GABPB1: variants seen among roughly 807,000 people sequenced by gnomAD.
The protein encoded by GABPB1 is GA-binding protein subunit beta-1.
Under a neutral mutation model 45.9 loss-of-function variants are expected in GABPB1, and 15 were observed. The observed-to-expected ratio is 0.33, with a 90% confidence interval of 0.22 to 0.50. GABPB1 has a LOEUF of 0.50. GABPB1 is among the 20% of genes least tolerant of loss of function. GABPB1 has a pLI of 0.98. For missense variants in GABPB1, 252 were observed against 457.5 expected, an observed-to-expected ratio of 0.55 and a Z score of 4.10; for synonymous variants, 143 against 154.4, an observed-to-expected ratio of 0.93 and a Z score of 0.55.
chr15:50,328,749 C>A (rs1235133566), intron 1 of GABPB1, among the ~76,000 whole-genome samples: 1 of 152,172 alleles, frequency 6.6e-6, no homozygotes, highest in Non-Finnish European at 1.5e-5. Context: ...AGTTTTAGCA[C>A]CCATTAATGA....
At chr15:50,319,287 T>C (rs972744408) in intron 1 of GABPB1, among the ~76,000 whole-genome samples, 1 of 152,190 alleles carries the variant, frequency 6.6e-6, no homozygotes, top group Non-Finnish European at 1.5e-5. Context: ...AAAAAAAGTT[T>C]TTATTTTTAT....
chr15:50,281,492 T>C (rs559498515), intron 8 of GABPB1, among the ~76,000 whole-genome samples: 10 of 152,216 alleles, frequency 6.6e-5, no homozygotes, highest in Non-Finnish European at 1.5e-4. Flanking sequence ...ATTACAGGCG[T>C]GAGCCACTGC....
In GABPB1 at chr15:50,278,624, C is replaced by T; in HGVS notation, c.*8G>A. 1 of 1,608,646 alleles carries T rather than the reference C, an allele frequency of 6.2e-7. No individual in the cohort carries two copies. Among genetic ancestry groups the T allele is most frequent in the Non-Finnish European group, 8.5e-7 (1 of 1,178,196 alleles). On this transcript the variant is annotated 3_prime_UTR_variant, in exon 9 of 9. Transcript: ENST00000380877. ...CAAAAGTAAAATCAAACTACATGTT[C>T]ATTTCAATTAAACAGCTTCTTTATT...
chr15:50,292,993 A>T (rs906425632), intron 6 of GABPB1, among the ~76,000 whole-genome samples: 8 of 63,018 alleles, frequency 1.3e-4, no homozygotes, highest in South Asian at 7.6e-4. Flanking sequence ...GTCTACATAT[A>T]AAAAAAAAAT....
chr15:50,343,762 C>A (rs563258601), intron 1 of GABPB1, among the ~76,000 whole-genome samples: 39 of 152,268 alleles, frequency 2.6e-4, no homozygotes, highest in Admixed American at 3.9e-4. Context: ...TGGTCTTGAT[C>A]TCCTGACCTC....
rs774886523 is a variant in GABPB1 at position 50,301,278 on chromosome 15, C to T, written c.562G>A (p.Gly188Arg). The change falls in exon 5 of 9, where the codon GGA becomes AGA. Residue 188 changes from glycine to arginine, a missense_variant. Around this residue, in one of 4 missense-constraint regions of GABPB1, gnomAD observed 193 missense variants for 259.9 expected, o/e 0.74. Transcript: ENST00000380877. ...AGACCTGTTAGGTTCACCACCCCTC[C>T]AGGTCCAATGATAAACTGTGGTGTT... The part of the protein sequence containing the change: ...AATPQFIIGP[G>R]GVVNLTDETG... The T allele has an allele frequency of 3.7e-6, 6 of 1,614,124 alleles. No individual in the cohort carries two copies. The South Asian group carries it at 6.6e-5, about 18-fold the overall frequency.
intron 1 of GABPB1, among the ~76,000 whole-genome samples, chr15:50,315,207 C>T (rs1226737895): frequency 3.9e-5 from 6 of 152,184 alleles, no homozygotes; most frequent in Non-Finnish European, 7.3e-5. Context: ...TCATAGTTCA[C>T]CACAGCCTCG....
chr15:50,317,642 G>A lies in GABPB1; in HGVS notation c.1-7844C>T, dbSNP rs139475035. Among the ~76,000 whole-genome samples the A allele has an allele frequency of 4.0e-3, 607 of 152,176 alleles. 3 individuals carry two copies. Among genetic ancestry groups the A allele is most frequent in the African/African-American group, 0.014 (580 of 41,518 alleles). On this transcript the variant is annotated intron_variant, in intron 1 of 8. Coordinates refer to ENST00000380877, the MANE Select transcript of GABPB1 (RefSeq NM_016654.5). ...TTAGATATTGAGGCTGGGCGCGGTG[G>A]CTCACGCCTGTAATCCCAGCACTTT...
chr15:50,288,886 C>T (rs924181547), intron 7 of GABPB1, among the ~76,000 whole-genome samples: 7 of 151,578 alleles, frequency 4.6e-5, no homozygotes, highest in Admixed American at 3.9e-4. Context: ...AATGCAGTGG[C>T]ATGATAATGG....
At chr15:50,347,206 T>G (rs2048622716) in intron 1 of GABPB1, among the ~76,000 whole-genome samples, 1 of 151,952 alleles carries the variant, frequency 6.6e-6, no homozygotes, top group South Asian at 2.1e-4. Flanking sequence ...GATTTCAACA[T>G]GAATTATGGG....
At chr15:50,303,600 T>C (rs2046835269) in intron 3 of GABPB1, among the ~76,000 whole-genome samples, 1 of 151,144 alleles carries the variant, frequency 6.6e-6, no homozygotes, top group Non-Finnish European at 1.5e-5. Context: ...GAGAATCACT[T>C]GAACCCAGGA....
At chr15:50,351,197 A>G (rs1382408507) in intron 1 of GABPB1, 1 of 152,266 alleles carries the variant, frequency 6.6e-6, no homozygotes, top group Admixed American at 6.5e-5. Flanking sequence ...CAAAAAGCCA[A>G]CACAATACCC....
chr15:50,301,780 AC>A (rs202144966), intron 4 of GABPB1, among the ~76,000 whole-genome samples: 2 of 152,024 alleles, frequency 1.3e-5, no homozygotes, highest in South Asian at 2.1e-4. Flanking sequence ...AAAAACAAAA[AC>A]AAAACAAACA....
At chr15:50,340,923 C>CATATGGTTTATTACCATATGTA (rs1567545945) in intron 1 of GABPB1, among the ~76,000 whole-genome samples, 1,646 of 16,008 alleles carry the variant, frequency 0.1, 310 homozygotes, top group African/African-American at 0.22. Context: ...TGTAATATTA[C>CATATGGTTTATTACCATATGTA]ATATTACATA....
chr15:50,297,134 C>A (rs201950658), intron 6 of GABPB1, among the ~76,000 whole-genome samples: 116 of 151,868 alleles, frequency 7.6e-4, no homozygotes, highest in East Asian at 5.2e-3. Context: ...TTGTCTTGAA[C>A]TCCTGACCCC....
intron 6 of GABPB1, among the ~76,000 whole-genome samples, chr15:50,290,759 A>G (rs1229314315): frequency 6.6e-6 from 1 of 152,244 alleles, no homozygotes; most frequent in Non-Finnish European, 1.5e-5. Flanking sequence ...ACTATGTGAT[A>G]GTAAATAGTG....
intron 1 of GABPB1, among the ~76,000 whole-genome samples, chr15:50,312,362 T>C (rs4775873): frequency 0.18 from 27,063 of 152,214 alleles, 2,572 homozygotes; most frequent in Middle Eastern, 0.23. Flanking sequence ...AATTTCTGAT[T>C]TCCTTTCCTT....
chr15:50,328,349 G>A (rs1004381435), intron 1 of GABPB1, among the ~76,000 whole-genome samples: 5 of 151,808 alleles, frequency 3.3e-5, no homozygotes, highest in Admixed American at 1.3e-4. Flanking sequence ...TACCTCTCCC[G>A]TTTTTCTCCC....
rs559898469 is a variant in GABPB1 at position 50,285,357 on chromosome 15, C to A, written c.999+711G>T. Among the ~76,000 whole-genome samples, 3 of 152,192 alleles carry A rather than the reference C, an allele frequency of 2.0e-5. No homozygotes were observed. The South Asian group carries it at 6.2e-4, about 32-fold the overall frequency. ...CAAGAGGTGGGATTCCAACTCAGTT[C>A]ATTTGATTTCAAGTTCAGTGGCTGC... On this transcript the variant is annotated intron_variant, in intron 8 of 8. Transcript: ENST00000380877.
Sources: allele counts gnomAD v4.1 joint callset (sites outside exome capture counted in the v4.1 genomes callset), GRCh38; gene constraint gnomAD v4.1.1; regional missense constraint gnomAD v4.1.1; transcripts MANE v1.5; gene names NCBI Gene and HGNC (gene_info 2026-07-23, HGNC 2026-07-21).